The following FLI1 variants were observed in gnomAD, a reference collection of about 807,000 sequenced individuals.
FLI1 encodes Fli-1 proto-oncogene, ETS transcription factor, also known as Friend leukemia integration 1 transcription factor.
In FLI1, 13 loss-of-function variants were observed where a neutral mutation model predicts 53.1. That is an observed-to-expected ratio of 0.24 (90% confidence interval 0.16 to 0.39). The LOEUF (loss-of-function observed/expected upper bound fraction) is 0.39. FLI1 is among the 10% of genes least tolerant of loss of function. FLI1 has a pLI of 1.00. For missense variants in FLI1, 424 were observed against 600.5 expected, an observed-to-expected ratio of 0.71 and a Z score of 3.07; for synonymous variants, 244 against 236.7, an observed-to-expected ratio of 1.03 and a Z score of -0.28.
At chr11:128,760,793 TG>T (rs1226385148) in intron 2 of FLI1, among the ~76,000 whole-genome samples, 3 of 152,164 alleles carry the variant, frequency 2.0e-5, no homozygotes, top group Admixed American at 6.5e-5. Context: ...CCCAAAGTGC[TG>T]GGATTACAGG....
At chr11:128,802,127 T>C (rs148163586) in intron 5 of FLI1, among the ~76,000 whole-genome samples, 4 of 152,344 alleles carry the variant, frequency 2.6e-5, no homozygotes, top group African/African-American at 9.6e-5. Context: ...GGGTGTTTAC[T>C]TGGGTATCTC....
chr11:128,693,768 C>T (rs1343629149), upstream of FLI1: 4 of 233,656 alleles, frequency 1.7e-5, no homozygotes, highest in African/African-American at 8.8e-5. Flanking sequence ...CTCTTATCTC[C>T]CAGGAGCAAG....
At chr11:128,721,813 G>T (rs1370660676) in intron 1 of FLI1, among the ~76,000 whole-genome samples, 1 of 152,192 alleles carries the variant, frequency 6.6e-6, no homozygotes, top group African/African-American at 2.4e-5. Context: ...TCTCTAGAAG[G>T]TCAGGTTTGG....
Position 128,781,938 on chromosome 11 carries a change from G to GT in FLI1, c.590-17dup. 1 of 1,608,374 alleles carries GT rather than the reference G, an allele frequency of 6.2e-7. No individual in the cohort carries two copies. Among genetic ancestry groups the GT allele is most frequent in the Non-Finnish European group, 8.5e-7 (1 of 1,174,898 alleles). On this transcript the variant is annotated intron_variant, in intron 4 of 8. Coordinates refer to ENST00000527786, the MANE Select transcript of FLI1 (RefSeq NM_002017.5). ...CAGAAGAACATTTTGGTTATAACCT[G>GT]TTTATGTTTTGCCTCTCAGGTTCAC...
intron 2 of FLI1, among the ~76,000 whole-genome samples, chr11:128,759,976 G>C (rs645917): frequency 0.74 from 111,959 of 151,998 alleles, 41,335 homozygotes; most frequent in African/African-American, 0.8. Context: ...TGTGGGAACT[G>C]CCAGGCCTAC....
intron 5 of FLI1, among the ~76,000 whole-genome samples, chr11:128,782,662 C>A (rs1941954032): frequency 6.6e-6 from 1 of 152,172 alleles, no homozygotes; most frequent in South Asian, 2.1e-4. Flanking sequence ...CGCGCCACTG[C>A]ACTCCAGCCT....
chr11:128,756,519 G>A (rs1940864643), intron 1 of FLI1, among the ~76,000 whole-genome samples: 1 of 152,210 alleles, frequency 6.6e-6, no homozygotes, highest in Admixed American at 6.5e-5. Flanking sequence ...TGAATTTTGT[G>A]AGGACACAAG....
Position 128,758,204 on chromosome 11 carries a change from C to T in FLI1, c.108C>T (p.Ala36=), listed in dbSNP as rs887980506. The change falls in exon 2 of 9, where the codon GCC becomes GCT. Residue 36 remains alanine (A), a synonymous_variant. Coordinates refer to ENST00000527786, the MANE Select transcript of FLI1 (RefSeq NM_002017.5). ...AAHLPKADMT[A]SGSPDYGQPH... ...ATCTCCCCAAGGCCGACATGACTGC[C>T]TCGGGGAGTCCTGACTACGGGCAGC... 6 of 1,613,314 alleles carry T rather than the reference C, an allele frequency of 3.7e-6. No homozygotes were observed. In the African/African-American group the frequency reaches 6.7e-5, roughly 18 times the overall value.
At chr11:128,719,489 G>C (rs1939167363) in intron 1 of FLI1, among the ~76,000 whole-genome samples, 1 of 151,916 alleles carries the variant, frequency 6.6e-6, no homozygotes, top group South Asian at 2.1e-4. Context: ...TTGTGAAGTT[G>C]CTGAAATCCA....
chr11:128,734,982 C>T (rs1264686043), intron 1 of FLI1, among the ~76,000 whole-genome samples: 1 of 152,136 alleles, frequency 6.6e-6, no homozygotes, highest in Non-Finnish European at 1.5e-5. Flanking sequence ...GTGGAAAGGG[C>T]CCCACGGAAG....
At chr11:128,794,316 G>A (rs775888179) in intron 5 of FLI1, among the ~76,000 whole-genome samples, 1 of 152,250 alleles carries the variant, frequency 6.6e-6, no homozygotes, top group Non-Finnish European at 1.5e-5. Flanking sequence ...TCAGCACAGA[G>A]TGTTCCAAAT....
Position 128,758,312 on chromosome 11 carries a change from C to A in FLI1, c.216C>A (p.His72Gln). 3 of 1,613,008 alleles carry A rather than the reference C, an allele frequency of 1.9e-6. No homozygotes were observed. In the South Asian group the frequency reaches 3.3e-5, roughly 18 times the overall value. The change falls in exon 2 of 9, where the codon CAC becomes CAA. Residue 72 changes from histidine (H) to glutamine (Q), a missense_variant. Physicochemically the swap from His to Gln is conservative, Grantham distance 24. Coordinates refer to ENST00000527786, the MANE Select transcript of FLI1 (RefSeq NM_002017.5). ...VRVNVKREYD[H>Q]MNGSRESPVD... Reference sequence around the variant, plus strand: ...TCAACGTCAAGCGGGAGTATGACCACATGAATGGATCCAGGTAAGCTCACC... The same window carrying A: ...TCAACGTCAAGCGGGAGTATGACCAAATGAATGGATCCAGGTAAGCTCACC...
chr11:128,743,969 GA>G (rs1940258622), intron 1 of FLI1, among the ~76,000 whole-genome samples: 1 of 152,202 alleles, frequency 6.6e-6, no homozygotes, highest in Non-Finnish European at 1.5e-5. Context: ...CCCTGTCAGT[GA>G]CTGTCTCCAG....
rs141734069 is a variant in FLI1, at chr11:128,705,879, G to A, written c.18+11603G>A. On this transcript the variant is annotated intron_variant, in intron 1 of 8. Transcript: ENST00000527786. ...ATTTTAAATTTTTCATTCTCAATGC[G>A]TAGGGCCAAGCGCCTGCCTTTGCTT... Among the ~76,000 whole-genome samples, 104 of 152,232 alleles carry A rather than the reference G, an allele frequency of 6.8e-4. 3 individuals are homozygous for A. The East Asian group carries it at 0.018, about 26-fold the overall frequency.
intron 2 of FLI1, among the ~76,000 whole-genome samples, chr11:128,765,043 A>C (rs1941280408): frequency 7.0e-6 from 1 of 142,280 alleles, no homozygotes; most frequent in East Asian, 2.5e-4. Flanking sequence ...AGGTGTGTGC[A>C]CAGGGCCGGG....
rs7127621 is a variant in FLI1 at position 128,805,506 on chromosome 11, C to T, written c.721+75C>T. ...AGGATTGGAGAACAGGATCATGAGA[C>T]ACAGGAGAGCAGCAAGCATTTGTTT... is the stretch of plus-strand genomic sequence containing the variant. On this transcript the variant is annotated intron_variant, in intron 6 of 8. Coordinates refer to ENST00000527786, the MANE Select transcript of FLI1 (RefSeq NM_002017.5). The T allele has an allele frequency of 0.12, 107,260 of 904,512 alleles. 7,142 individuals are homozygous for T. The highest frequency in any genetic ancestry group is 0.25 in the African/African-American group (15,033 of 59,226). 56.0% of individuals were successfully genotyped at this position (904,512 alleles called of 1,614,324 possible).
intron 1 of FLI1, among the ~76,000 whole-genome samples, chr11:128,705,366 G>GA (rs1035094630): frequency 6.6e-6 from 1 of 152,194 alleles, no homozygotes; most frequent in African/African-American, 2.4e-5. Context: ...CCAATGAGTT[G>GA]ATTTTTAAAT....
In FLI1 at chr11:128,778,652, C is replaced by T. The variant is rs368763609; in HGVS notation, c.590-3306C>T. Among the ~76,000 whole-genome samples the T allele has an allele frequency of 4.6e-5, 7 of 152,308 alleles. No individual in the cohort carries two copies. The East Asian group carries it at 7.7e-4, about 17-fold the overall frequency. On this transcript the variant is annotated intron_variant, in intron 4 of 8. Coordinates refer to ENST00000527786, the MANE Select transcript of FLI1 (RefSeq NM_002017.5). ...ATTAAGTGAGAAAATAGATGGAAAG[C>T]GTCTGGCACACCGTGCATGTTCAGG...
In FLI1 at chr11:128,790,066, A is replaced by ATTCGTGTG. The variant is rs200869159; in HGVS notation, c.655+8044_655+8045insTCGTGTGT. Among the ~76,000 whole-genome samples the ATTCGTGTG allele has an allele frequency of 7.1e-3, 966 of 135,922 alleles. 4 individuals are homozygous for ATTCGTGTG. Among genetic ancestry groups the ATTCGTGTG allele is most frequent in the East Asian group, 0.013 (59 of 4,596 alleles). 89.2% of individuals were successfully genotyped at this position (135,922 alleles called of 152,430 possible). A position where few individuals can be genotyped will look rare whatever the true frequency, so the allele number is the denominator to read the frequency against. ...TGGATGTGTGTGTGTGTGTGCATGC[A>ATTCGTGTG]TGCGTGTGTGTGTGTGTGTGTGTGT... On this transcript the variant is annotated intron_variant, in intron 5 of 8. Coordinates refer to ENST00000527786, the MANE Select transcript of FLI1 (RefSeq NM_002017.5).
Sources: allele counts gnomAD v4.1 joint callset (sites outside exome capture counted in the v4.1 genomes callset), GRCh38; gene constraint gnomAD v4.1.1; transcripts MANE v1.5; gene names NCBI Gene and HGNC (gene_info 2026-07-23, HGNC 2026-07-21).